DPYD: variants seen among roughly 807,000 people sequenced by gnomAD.
DPYD encodes the protein dihydropyrimidine dehydrogenase [NADP(+)].
In DPYD, 109 loss-of-function variants were observed where a neutral mutation model predicts 116.2. The observed-to-expected ratio is 0.94, with a 90% confidence interval of 0.80 to 1.10. The LOEUF (loss-of-function observed/expected upper bound fraction) is 1.10, where lower values mean the gene tolerates loss of function less well. Among genes scored for constraint, DPYD ranks in the 50% least tolerant of loss-of-function variants. DPYD has a pLI of 0.00. For synonymous variants in DPYD, 440 were observed against 432.0 expected (o/e 1.02, Z -0.23); for missense variants, 1,302 against 1,254.5 (o/e 1.04, Z -0.57).
chr1:97,085,743 T>G (rs1359491862), intron 21 of DPYD, among the ~76,000 whole-genome samples: 3 of 152,184 alleles, frequency 2.0e-5, no homozygotes, highest in African/African-American at 7.2e-5. Context: ...ATGGCTAGTC[T>G]CCAGCCCCTC....
chr1:97,446,697 C>G (rs964805205), intron 14 of DPYD, among the ~76,000 whole-genome samples: 5 of 152,046 alleles, frequency 3.3e-5, no homozygotes, highest in Admixed American at 1.3e-4. Context: ...TCTTTGCTTC[C>G]TAATTCAGTG....
At chr1:97,454,811 C>T (rs988117311) in intron 13 of DPYD, among the ~76,000 whole-genome samples, 9 of 151,596 alleles carry the variant, frequency 5.9e-5, no homozygotes, top group Non-Finnish European at 1.0e-4. Flanking sequence ...TCACAATGGC[C>T]ACAATGAACA....
At chr1:97,799,925 C>T (rs970046898) in intron 3 of DPYD, among the ~76,000 whole-genome samples, 3 of 151,930 alleles carry the variant, frequency 2.0e-5, no homozygotes, top group Non-Finnish European at 4.4e-5. Flanking sequence ...CAATGCACAT[C>T]TCCAAACCTC....
intron 3 of DPYD, among the ~76,000 whole-genome samples, chr1:97,823,290 GA>G (rs1312562833): frequency 6.6e-6 from 1 of 152,098 alleles, no homozygotes; most frequent in African/African-American, 2.4e-5. Context: ...AAATAGCTGG[GA>G]CTACAGGCCC....
chr1:97,578,644 A>G (rs1290269535), intron 10 of DPYD, among the ~76,000 whole-genome samples: 1 of 148,412 alleles, frequency 6.7e-6, no homozygotes, highest in Non-Finnish European at 1.5e-5. Context: ...TATTTGAAAT[A>G]ATGAGACTGT....
At chr1:97,497,722 T>C (rs1398756056) in intron 13 of DPYD, among the ~76,000 whole-genome samples, 2 of 151,804 alleles carry the variant, frequency 1.3e-5, no homozygotes, top group African/African-American at 4.8e-5. Flanking sequence ...ATATCATACA[T>C]TGCTGGTGAG....
chr1:97,373,020 G>T (rs1671385357), intron 16 of DPYD, among the ~76,000 whole-genome samples: 1 of 152,070 alleles, frequency 6.6e-6, no homozygotes, highest in Admixed American at 6.6e-5. Context: ...TTCACATTTT[G>T]TTCATTAGGC....
intron 2 of DPYD, among the ~76,000 whole-genome samples, chr1:97,869,771 G>T (rs1022735561): frequency 6.6e-6 from 1 of 151,646 alleles, no homozygotes; most frequent in Non-Finnish European, 1.5e-5. Context: ...CTTTTCCTTT[G>T]TGTTATCACT....
intron 3 of DPYD, among the ~76,000 whole-genome samples, chr1:97,741,876 G>A (rs557542497): frequency 1.3e-5 from 2 of 152,160 alleles, no homozygotes; most frequent in East Asian, 3.9e-4. Flanking sequence ...AGGCTTCTTG[G>A]GAGGAATAAT....
chr1:97,221,372 G>T (rs1207190929), intron 19 of DPYD, among the ~76,000 whole-genome samples: 4 of 125,834 alleles, frequency 3.2e-5, no homozygotes, highest in Non-Finnish European at 7.0e-5. Context: ...AAAGTCAACT[G>T]ATAAAATGAA....
intron 8 of DPYD, among the ~76,000 whole-genome samples, chr1:97,637,648 G>A (rs926216527): frequency 1.3e-5 from 2 of 152,068 alleles, no homozygotes; most frequent in Non-Finnish European, 2.9e-5. Context: ...AGAAAGGGCA[G>A]AAAGAAGACA....
chr1:97,461,971 T>G (rs1036055383), intron 13 of DPYD, among the ~76,000 whole-genome samples: 11 of 152,356 alleles, frequency 7.2e-5, no homozygotes, highest in Admixed American at 7.2e-4. Context: ...GAAGGACATT[T>G]GAAAAACTTC....
At position 97,323,449 on chromosome 1, in the gene DPYD, TAC is replaced by T. The variant is rs1570522757; in HGVS notation, c.2059-17154_2059-17153del. On this transcript the variant is annotated intron_variant, in intron 16 of 22. Coordinates refer to ENST00000370192, the MANE Select transcript of DPYD (RefSeq NM_000110.4). ...ACATATGTGTATATGTACACGTATA[TAC>T]ATATCATATATACATATATGTGTAT... 7.9e-5 allele frequency among the ~76,000 whole-genome samples: 8 copies of T among 101,796 alleles called. No individual in the cohort carries two copies. In the East Asian group the frequency reaches 1.8e-3, roughly 23 times the overall value. The allele number at this position is 101,796 out of a possible 152,430, so 66.8% of individuals were successfully genotyped here.
At chr1:97,144,572 GT>G (rs1654470657) in intron 20 of DPYD, among the ~76,000 whole-genome samples, 1 of 152,118 alleles carries the variant, frequency 6.6e-6, no homozygotes, top group Non-Finnish European at 1.5e-5. Flanking sequence ...TACTTGAAGT[GT>G]TCCCATTTCT....
intron 14 of DPYD, among the ~76,000 whole-genome samples, chr1:97,398,929 G>A (rs933527094): frequency 6.6e-6 from 1 of 152,068 alleles, no homozygotes; most frequent in Non-Finnish European, 1.5e-5. Flanking sequence ...TTCTTTTGCT[G>A]TGCAGAAGCT....
rs1001342677 is a variant in DPYD at position 97,862,543 on chromosome 1, T to A, written c.150+20721A>T. Among the ~76,000 whole-genome samples, 4 of 152,030 alleles carry A rather than the reference T, an allele frequency of 2.6e-5. No homozygotes were observed. The South Asian group carries it at 8.3e-4, about 31-fold the overall frequency. On this transcript the variant is annotated intron_variant, in intron 2 of 22. Transcript: ENST00000370192. The stretch of plus-strand genomic sequence containing the variant: ...TCAACAACTCTTACTTCTCCCTATT[T>A]TATATTCACCAGTATCTAAAATTTT...
chr1:97,746,183 T>C (rs545107637), intron 3 of DPYD, among the ~76,000 whole-genome samples: 22 of 152,262 alleles, frequency 1.4e-4, no homozygotes, highest in South Asian at 4.1e-4. Flanking sequence ...TCAGAGTTTA[T>C]GGCAAGCTTT....
At chr1:97,761,727 T>C (rs1434416004) in intron 3 of DPYD, among the ~76,000 whole-genome samples, 2 of 152,116 alleles carry the variant, frequency 1.3e-5, no homozygotes, top group Admixed American at 6.6e-5. Flanking sequence ...TGCAGCACTA[T>C]TCACAATAGC....
intron 10 of DPYD, among the ~76,000 whole-genome samples, chr1:97,587,825 AAAAAAAAAAAAAAG>A (rs1389370627): frequency 7.1e-6 from 1 of 141,844 alleles, no homozygotes; most frequent in African/African-American, 2.6e-5. Flanking sequence ...CTCCATCTCC[AAAAAAAAAAAAAAG>A]AAAAAAAAAA....
Sources: allele counts gnomAD v4.1 joint callset (sites outside exome capture counted in the v4.1 genomes callset), GRCh38; gene constraint gnomAD v4.1.1; transcripts MANE v1.5; gene names NCBI Gene and HGNC (gene_info 2026-07-23, HGNC 2026-07-21).